ARMC2: variants seen among roughly 807,000 people sequenced by gnomAD.
The protein encoded by ARMC2 is armadillo repeat containing 2, also known as armadillo repeat-containing protein 2.
Under a neutral mutation model 90.3 loss-of-function variants are expected in ARMC2, and 67 were observed. The ratio of observed to expected loss-of-function variants is 0.74; its 90% CI spans 0.61 to 0.91. The LOEUF (loss-of-function observed/expected upper bound fraction) is 0.91, where lower values mean the gene tolerates loss of function less well. ARMC2 is among the 40% of genes least tolerant of loss of function. ARMC2 has a pLI of 0.00. For missense variants in ARMC2, 920 were observed against 1,030.9 expected (o/e 0.89, Z 1.47); for synonymous variants, 393 against 393.0 (o/e 1.00, Z 0.00).
chr6:108,969,633 A>T (rs187218484), intron 17 of ARMC2, among the ~76,000 whole-genome samples: 9 of 152,368 alleles, frequency 5.9e-5, no homozygotes, highest in Non-Finnish European at 1.2e-4. Context: ...AAAGACAAGT[A>T]TTATAATGTG....
rs1313409909 is a variant in ARMC2, at chr6:108,877,141, TA to T, written c.671+792del. 3.9e-5 allele frequency among the ~76,000 whole-genome samples: 6 copies of T among 152,370 alleles called. No homozygotes were observed. In the East Asian group the frequency reaches 1.2e-3, roughly 29 times the overall value. On this transcript the variant is annotated intron_variant, in intron 5 of 17. Coordinates refer to ENST00000392644, the MANE Select transcript of ARMC2 (RefSeq NM_032131.6). ...CTGGACAAGGTCACTCAGTTTAAGA[TA>T]TTTTTTTCTAGGACTTTCCATTGGG...
chr6:109,030,225 C>T, the ARMC2 span, among the ~76,000 whole-genome samples: 5 of 152,048 alleles, frequency 3.3e-5, no homozygotes, highest in African/African-American at 9.7e-5. Context: ...ATTGCTAGGA[C>T]CCCCCGATCT....
chr6:109,046,109 C>CTCTCCCTCTCCCCACGG, the ARMC2 span, among the ~76,000 whole-genome samples: 1 of 152,182 alleles, frequency 6.6e-6, no homozygotes, highest in South Asian at 2.1e-4. Flanking sequence ...AGCCCTCTCC[C>CTCTCCCTCTCCCCACGG]TCTCCCTCTC....
intron 5 of ARMC2, among the ~76,000 whole-genome samples, chr6:108,893,544 A>G (rs1335568032): frequency 1.3e-5 from 2 of 152,218 alleles, no homozygotes; most frequent in Non-Finnish European, 2.9e-5. Context: ...CAAGCATCCC[A>G]GAGTTCTTTC....
At chr6:108,888,338 T>G (rs1006800075) in intron 5 of ARMC2, among the ~76,000 whole-genome samples, 3 of 152,140 alleles carry the variant, frequency 2.0e-5, no homozygotes, top group African/African-American at 7.2e-5. Context: ...CAGTCTCACA[T>G]TGGGGGATAG....
chr6:108,949,956 A>T (rs1777064211), intron 12 of ARMC2, among the ~76,000 whole-genome samples: 1 of 152,226 alleles, frequency 6.6e-6, no homozygotes, highest in African/African-American at 2.4e-5. Context: ...CTGTAATTCC[A>T]GCACTTTGAG....
At chr6:109,001,570 G>C in the ARMC2 span, 2 of 1,177,302 alleles carry the variant, frequency 1.7e-6, no homozygotes, top group Non-Finnish European at 2.4e-6. Flanking sequence ...TACACTCTAA[G>C]TATCATTTAG....
At chr6:108,889,720 A>C (rs1380387122) in intron 5 of ARMC2, among the ~76,000 whole-genome samples, 2 of 151,776 alleles carry the variant, frequency 1.3e-5, no homozygotes, top group Non-Finnish European at 2.9e-5. Flanking sequence ...AAGTGGTGGC[A>C]TTACAGTCGT....
At chr6:108,881,232 C>G (rs1324722214) in intron 5 of ARMC2, among the ~76,000 whole-genome samples, 3 of 138,838 alleles carry the variant, frequency 2.2e-5, no homozygotes, top group Admixed American at 1.4e-4. Context: ...TTCTTTCTGT[C>G]TTTCTCTTTC....
intron 12 of ARMC2, among the ~76,000 whole-genome samples, chr6:108,943,587 G>A (rs1052031879): frequency 2.0e-5 from 3 of 152,040 alleles, no homozygotes; most frequent in South Asian, 2.1e-4. Flanking sequence ...AGCACTTTGC[G>A]GCAGATGGAT....
rs1174778882 is a variant in ARMC2, at chr6:108,936,884, T to A, written c.1497-16T>A. On this transcript the variant is annotated splice_polypyrimidine_tract_variant and intron_variant, in intron 11 of 17. Transcript: ENST00000392644. ...AACAAAGTTTACCTTTATTTTCCCATTTGGCATTTCTGCAGCAAACTTACT... is the reference window on the plus strand; with the variant it reads ...AACAAAGTTTACCTTTATTTTCCCAATTGGCATTTCTGCAGCAAACTTACT... 2 of 1,568,742 alleles carry A rather than the reference T, an allele frequency of 1.3e-6. No individual in the cohort carries two copies. The highest frequency in any genetic ancestry group is 1.7e-6 in the Non-Finnish European group (2 of 1,153,948).
the ARMC2 span, among the ~76,000 whole-genome samples, chr6:109,012,905 G>A: frequency 9.9e-5 from 15 of 152,056 alleles, no homozygotes; most frequent in Non-Finnish European, 4.4e-5. Context: ...CACAAGGTCA[G>A]GAGCTCGAAA....
intron 17 of ARMC2, among the ~76,000 whole-genome samples, chr6:108,966,669 A>G (rs2128516883): frequency 6.6e-6 from 1 of 152,200 alleles, no homozygotes; most frequent in East Asian, 1.9e-4. Flanking sequence ...CGGCTCCATG[A>G]GCATTAAACT....
intron 7 of ARMC2, among the ~76,000 whole-genome samples, chr6:108,901,263 G>A (rs1186029055): frequency 2.7e-5 from 4 of 150,728 alleles, no homozygotes; most frequent in Non-Finnish European, 5.9e-5. Flanking sequence ...ATAGGCACCC[G>A]CCACCATGCC....
At chr6:108,992,884 G>GT in the ARMC2 span, 1 of 1,610,280 alleles carries the variant, frequency 6.2e-7, no homozygotes, top group Admixed American at 1.7e-5. Flanking sequence ...TCTTGCTGGT[G>GT]TAACTTCTTC....
At chr6:108,995,721 C>T in the ARMC2 span, among the ~76,000 whole-genome samples, 3 of 152,154 alleles carry the variant, frequency 2.0e-5, no homozygotes, top group African/African-American at 7.2e-5. Flanking sequence ...GAGTTCAAGG[C>T]TGCAGTGAGC....
intron 17 of ARMC2, among the ~76,000 whole-genome samples, chr6:108,970,561 G>A (rs901320589): frequency 2.0e-4 from 28 of 136,934 alleles, no homozygotes; most frequent in Non-Finnish European, 3.4e-4. Context: ...GCAATGGCAC[G>A]ATCATGGCTC....
At chr6:108,925,815 C>T (rs576569878) in intron 10 of ARMC2, among the ~76,000 whole-genome samples, 75 of 152,198 alleles carry the variant, frequency 4.9e-4, no homozygotes, top group South Asian at 6.2e-4. Flanking sequence ...TTTGGAAATA[C>T]GTGAGGTATT....
chr6:108,897,135 T>C (rs927670478), intron 6 of ARMC2, among the ~76,000 whole-genome samples: 11 of 152,238 alleles, frequency 7.2e-5, no homozygotes, highest in African/African-American at 2.7e-4. Context: ...GTCTACAAAC[T>C]ATCTGTAGTT....
Sources: allele counts gnomAD v4.1 joint callset (sites outside exome capture counted in the v4.1 genomes callset), GRCh38; gene constraint gnomAD v4.1.1; transcripts MANE v1.5; gene names NCBI Gene and HGNC (gene_info 2026-07-23, HGNC 2026-07-21).